Variants in FAM228B observed in about 807,000 individuals in gnomAD.
The protein encoded by FAM228B is family with sequence similarity 228 member B.
In FAM228B, 38 loss-of-function variants were observed where a neutral mutation model predicts 42.6. The ratio of observed to expected loss-of-function variants is 0.89; its 90% confidence interval spans 0.69 to 1.17. FAM228B has a LOEUF of 1.17. Ranked by LOEUF, FAM228B falls within the 50% of genes most tolerant of loss-of-function variation. The pLI, the probability that FAM228B is intolerant of heterozygous loss-of-function variation, is 0.00. For missense variants in FAM228B, 344 were observed against 367.3 expected, an observed-to-expected ratio of 0.94 and a Z score of 0.52; for synonymous variants, 109 against 122.3, an observed-to-expected ratio of 0.89 and a Z score of 0.72.
chr2:24,084,491 G>A lies in FAM228B; in HGVS notation c.-210+3536G>A. 1.0e-6 allele frequency: 1 copy of A among 959,202 alleles called. No homozygotes were observed. Among genetic ancestry groups the A allele is most frequent in the South Asian group, 2.0e-5 (1 of 49,338 alleles). 59.4% of individuals were successfully genotyped at this position (959,202 alleles called of 1,614,324 possible). On this transcript the variant is annotated intron_variant, in intron 2 of 10. Transcript: ENST00000613899. The surrounding 1 kb of genome is among the most constrained non-coding windows in gnomAD (Gnocchi z 8.4). ...AGCGCCCCCTGCCGGCCAGCGCCTCGCTGCCCTGGTCTGCCGCGGACCCGG... is the reference window on the plus strand; with the variant it reads ...AGCGCCCCCTGCCGGCCAGCGCCTCACTGCCCTGGTCTGCCGCGGACCCGG...
intron 3 of FAM228B, among the ~76,000 whole-genome samples, chr2:24,103,321 A>G (rs1369926761): frequency 6.6e-6 from 1 of 152,210 alleles, no homozygotes; most frequent in East Asian, 1.9e-4. Context: ...TCAGGAAAGT[A>G]CGTATGGAAG....
At chr2:24,093,841 A>C (rs1665441674) in intron 2 of FAM228B, among the ~76,000 whole-genome samples, 1 of 151,376 alleles carries the variant, frequency 6.6e-6, no homozygotes, top group Non-Finnish European at 1.5e-5. Context: ...CTGGTCTTGA[A>C]CTCCTGACCT....
chr2:24,153,677 G>A (rs1463369499), intron 7 of FAM228B, among the ~76,000 whole-genome samples: 2 of 152,182 alleles, frequency 1.3e-5, no homozygotes, highest in African/African-American at 4.8e-5. Flanking sequence ...GAGGGATGGT[G>A]CAAGCACTCC....
intron 3 of FAM228B, among the ~76,000 whole-genome samples, chr2:24,114,303 G>C (rs1012195674): frequency 6.6e-6 from 1 of 152,148 alleles, no homozygotes; most frequent in African/African-American, 2.4e-5. Flanking sequence ...TCCTGAGATC[G>C]AATGTGTTCC....
chr2:24,102,045 A>C (rs745582058), intron 3 of FAM228B, among the ~76,000 whole-genome samples: 10 of 152,210 alleles, frequency 6.6e-5, no homozygotes, highest in Non-Finnish European at 1.5e-4. Flanking sequence ...GATGGGAAAA[A>C]AATTTCATCA....
rs1294577455 is a variant in FAM228B, at chr2:24,077,952, G to C, written c.-290+983G>C. ...TCATGTGCCATCTCAGAATATGTCC[G>C]ATAGGTATATTGTTAATTTTGAGGT... On this transcript the variant is annotated intron_variant, in intron 1 of 10. Coordinates refer to the FAM228B transcript ENST00000613899. The surrounding 1 kb of genome is among the most constrained non-coding windows in gnomAD (Gnocchi z 5.5). 6.6e-6 allele frequency among the ~76,000 whole-genome samples: 1 copy of C among 152,170 alleles called. No homozygotes were observed. Among genetic ancestry groups the C allele is most frequent in the Admixed American group, 6.5e-5 (1 of 15,276 alleles).
rs1469106251 is a variant in FAM228B, at chr2:24,078,343, C to A, written c.-290+1374C>A. Among the ~76,000 whole-genome samples the A allele has an allele frequency of 2.0e-5, 3 of 152,086 alleles. No individual in the cohort carries two copies. In the East Asian group the frequency reaches 5.8e-4, roughly 29 times the overall value. The stretch of plus-strand genomic sequence containing the variant: ...TTGAGCCTGGGAGTTTGAGATCAGC[C>A]TGGGCAACATGGTGAAAACCTGTCT... On this transcript the variant is annotated intron_variant, in intron 1 of 10. Coordinates refer to the FAM228B transcript ENST00000613899.
chr2:24,169,396 G>A lies in FAM228B; in HGVS notation c.*55G>A, dbSNP rs1282972185. The A allele has an allele frequency of 6.5e-6, 3 of 464,308 alleles. No homozygotes were observed. Among genetic ancestry groups the A allele is most frequent in the Admixed American group, 4.7e-5 (2 of 42,518 alleles). 28.8% of individuals were successfully genotyped at this position (464,308 alleles called of 1,614,324 possible). ...GAGCACACACCCTGATCCTTGATTG[G>A]TGAAAGGATACACAAAATCAGGCTG... On this transcript the variant is annotated 3_prime_UTR_variant, in exon 11 of 11. Transcript: ENST00000615575. The surrounding 1 kb of genome is among the most constrained non-coding windows in gnomAD (Gnocchi z 4.2).
intron 1 of FAM228B, 56 bp from the exon 2 acceptor site, chr2:24,124,274 A>T: frequency 1.1e-6 from 1 of 890,162 alleles, no homozygotes; most frequent in South Asian, 1.7e-5. Flanking sequence ...GGTATTAAAC[A>T]GAAGAGAAAA....
chr2:24,105,383 C>G (rs998342162), intron 3 of FAM228B, among the ~76,000 whole-genome samples: 8 of 152,122 alleles, frequency 5.3e-5, no homozygotes, highest in Non-Finnish European at 1.2e-4. Context: ...TTAACCAAAC[C>G]CACCTTGGTT....
intron 3 of FAM228B, among the ~76,000 whole-genome samples, chr2:24,107,129 C>A (rs1665715642): frequency 6.6e-6 from 1 of 152,034 alleles, no homozygotes. Context: ...GGGTTGCAAT[C>A]ATAATTTCAG....
At chr2:24,162,842 G>GT (rs1242180738) in intron 8 of FAM228B, among the ~76,000 whole-genome samples, 4 of 152,124 alleles carry the variant, frequency 2.6e-5, no homozygotes, top group Non-Finnish European at 4.4e-5. Flanking sequence ...CATATAGTAT[G>GT]TTTTTTTATA....
At chr2:24,088,510 C>A (rs35436373) in intron 2 of FAM228B, among the ~76,000 whole-genome samples, 17,758 of 152,072 alleles carry the variant, frequency 0.12, 1,236 homozygotes, top group South Asian at 0.18. Context: ...ACCACCAAGC[C>A]CGGCTAATTT....
chr2:24,118,952 C>G (rs1367808345), upstream of FAM228B, among the ~76,000 whole-genome samples: 2 of 152,158 alleles, frequency 1.3e-5, no homozygotes, highest in African/African-American at 4.8e-5. Flanking sequence ...AATCTAAACA[C>G]AAACACAATT....
At position 24,132,464 on chromosome 2, in the gene FAM228B, G is replaced by GTTTTTTTTTTTT. The variant is rs548264853; in HGVS notation, c.100-2640_100-2629dup. Among the ~76,000 whole-genome samples, 58 of 56,006 alleles carry GTTTTTTTTTTTT rather than the reference G, an allele frequency of 1.0e-3. 4 individuals are homozygous for GTTTTTTTTTTTT. Among genetic ancestry groups the GTTTTTTTTTTTT allele is most frequent in the Non-Finnish European group, 1.5e-3 (42 of 27,860 alleles). The allele number at this position is 56,006 out of a possible 152,430, so 36.7% of individuals were successfully genotyped here. A position where few individuals can be genotyped will look rare whatever the true frequency, so the allele number is the denominator to read the frequency against. On this transcript the variant is annotated intron_variant, in intron 2 of 10. Transcript: ENST00000615575. The stretch of plus-strand genomic sequence containing the variant: ...CATGAATCCCTCTGGTCCTGGGATT[G>GTTTTTTTTTTTT]TTTTTTTTTTTTTTTTTTTTTTTTT...
upstream of FAM228B, chr2:24,121,040 A>G: frequency 3.0e-6 from 4 of 1,332,420 alleles, no homozygotes; most frequent in Non-Finnish European, 4.1e-6. Flanking sequence ...CTGCTATCTC[A>G]AGACAATGGC....
chr2:24,106,316 C>CTTT (rs386389714), intron 3 of FAM228B, among the ~76,000 whole-genome samples: 14,835 of 106,118 alleles, frequency 0.14, 1,390 homozygotes, highest in Non-Finnish European at 0.18. Context: ...ATTCAGCATT[C>CTTT]TTTTTTTTTT....
chr2:24,115,598 T>G lies in FAM228B; in HGVS notation c.-120-19521T>G, dbSNP rs572726165. 98 of 1,612,828 alleles carry G rather than the reference T, an allele frequency of 6.1e-5. 1 individual carries two copies. The South Asian group carries it at 1.0e-3, about 16-fold the overall frequency. ...CTCTGATGACTTAACTTCCTTTTTT[T>G]CTTAGGTAGTCTCCTGAAAGCAAAC... On this transcript the variant is annotated intron_variant, in intron 3 of 10. Transcript: ENST00000613899.
intron 3 of FAM228B, among the ~76,000 whole-genome samples, chr2:24,101,383 A>C (rs1171127225): frequency 6.6e-6 from 1 of 152,156 alleles, no homozygotes; most frequent in African/African-American, 2.4e-5. Flanking sequence ...CTGCAGGAAA[A>C]ATATGTATGT....
Sources: gnomAD v4.1 joint callset for allele counts (sites outside exome capture counted in the v4.1 genomes callset) on GRCh38, gnomAD v4.1.1 for gene constraint, Gnocchi (gnomAD v3.1) non-coding constraint, MANE v1.5 for transcripts, NCBI Gene and HGNC (gene_info 2026-07-23, HGNC 2026-07-21) for gene names.